The following GFRA2 variants were observed in gnomAD, a reference collection of about 807,000 sequenced individuals.
The protein encoded by GFRA2 is GDNF family receptor alpha-2.
A neutral mutation model predicts 48.3 loss-of-function variants in GFRA2; 17 were observed. The observed-to-expected ratio is 0.35, with a 90% CI of 0.24 to 0.53. The LOEUF (loss-of-function observed/expected upper bound fraction) is 0.53. Ranked by LOEUF, GFRA2 falls within the 20% of genes least tolerant of loss-of-function variation. The pLI, the probability that GFRA2 is intolerant of heterozygous loss-of-function variation, is 0.93. For synonymous variants in GFRA2, 305 were observed against 257.2 expected, an observed-to-expected ratio of 1.19 and a Z score of -1.78; for missense variants, 660 against 637.3, an observed-to-expected ratio of 1.04 and a Z score of -0.38.
At chr8:21,777,044 C>T (rs1363377625) in intron 2 of GFRA2, among the ~76,000 whole-genome samples, 1 of 152,204 alleles carries the variant, frequency 6.6e-6, no homozygotes, top group Non-Finnish European at 1.5e-5. Context: ...CTCATTTCAT[C>T]CTCTTAACTA....
intron 4 of GFRA2, among the ~76,000 whole-genome samples, chr8:21,708,500 A>G (rs897620309): frequency 2.7e-4 from 41 of 152,204 alleles, no homozygotes; most frequent in African/African-American, 9.6e-4. Flanking sequence ...GTTGAGTTCA[A>G]TTATACGTCC....
intron 3 of GFRA2, among the ~76,000 whole-genome samples, chr8:21,773,755 T>A (rs7463382): frequency 7.2e-5 from 11 of 152,024 alleles, no homozygotes; most frequent in African/African-American, 2.7e-4. Context: ...AGGGCTTAGG[T>A]TCTCACTGGA....
At chr8:21,773,299 T>A (rs1806524912) in intron 3 of GFRA2, among the ~76,000 whole-genome samples, 1 of 152,196 alleles carries the variant, frequency 6.6e-6, no homozygotes. Flanking sequence ...GTTATGATGC[T>A]GACAGCCCAG....
chr8:21,799,342 T>C (rs1395811255), intron 2 of GFRA2, among the ~76,000 whole-genome samples: 1 of 151,866 alleles, frequency 6.6e-6, no homozygotes. Flanking sequence ...CTCAGCCTCC[T>C]GAGTAGCTGG....
chr8:21,769,348 C>T (rs1806335189), intron 3 of GFRA2: 1 of 158,198 alleles, frequency 6.3e-6, no homozygotes, highest in Non-Finnish European at 1.3e-5. Flanking sequence ...TAAGATGTCA[C>T]ACACATGTGA....
At chr8:21,710,297 A>C (rs1164679063) in intron 4 of GFRA2, among the ~76,000 whole-genome samples, 5 of 152,196 alleles carry the variant, frequency 3.3e-5, no homozygotes, top group African/African-American at 1.2e-4. Context: ...CGCCCGATGG[A>C]GACAGGAGGC....
intron 3 of GFRA2, among the ~76,000 whole-genome samples, chr8:21,764,085 C>A (rs1302900629): frequency 1.3e-5 from 2 of 152,108 alleles, no homozygotes; most frequent in Admixed American, 6.5e-5. Context: ...TCACCTTCCC[C>A]TGTTTAAGCT....
At chr8:21,773,822 C>A (rs1806555120) in intron 3 of GFRA2, among the ~76,000 whole-genome samples, 1 of 152,198 alleles carries the variant, frequency 6.6e-6, no homozygotes, top group Admixed American at 6.5e-5. Context: ...GACTGTGCCC[C>A]CCAGGGGACA....
chr8:21,750,060 T>C lies in GFRA2; in HGVS notation c.794+528A>G, dbSNP rs1805206725. ...TCTATATAATATATGTAAGTATATA[T>C]ATGTGTATATATGTGTGTGTGTGTG... On this transcript the variant is annotated intron_variant, in intron 4 of 8. Transcript: ENST00000524240. The surrounding 1 kb of genome is among the most constrained non-coding windows in gnomAD (Gnocchi z 5.7). Among the ~76,000 whole-genome samples the C allele has an allele frequency of 6.7e-6, 1 of 149,510 alleles. No individual in the cohort carries two copies. The highest frequency in any genetic ancestry group is 2.5e-5 in the African/African-American group (1 of 39,408).
intron 2 of GFRA2, among the ~76,000 whole-genome samples, chr8:21,801,738 T>A (rs2117114471): frequency 6.6e-6 from 1 of 152,166 alleles, no homozygotes; most frequent in East Asian, 1.9e-4. Flanking sequence ...GACAACTCAC[T>A]AAAACAAATC....
intron 4 of GFRA2, among the ~76,000 whole-genome samples, chr8:21,747,703 T>C (rs1487575100): frequency 6.6e-6 from 1 of 151,222 alleles, no homozygotes; most frequent in Non-Finnish European, 1.5e-5. Flanking sequence ...TTGTACCCAA[T>C]GCCTCTACTT....
chr8:21,749,019 C>T (rs1805144350), intron 4 of GFRA2, among the ~76,000 whole-genome samples: 1 of 152,210 alleles, frequency 6.6e-6, no homozygotes, highest in Non-Finnish European at 1.5e-5. Context: ...ATGCCCCTCT[C>T]CTGTGCTCTC....
chr8:21,775,926 G>A (rs1319562201), intron 2 of GFRA2, among the ~76,000 whole-genome samples: 1 of 152,090 alleles, frequency 6.6e-6, no homozygotes, highest in East Asian at 1.9e-4. Context: ...GCCTCAGCGG[G>A]AAAGGAAATA....
At chr8:21,751,769 A>T (rs953363102) in intron 3 of GFRA2, among the ~76,000 whole-genome samples, 1 of 152,184 alleles carries the variant, frequency 6.6e-6, no homozygotes, top group African/African-American at 2.4e-5. Context: ...TACAGCACAC[A>T]GTTCCTGGTG....
rs1412696996 is a variant in GFRA2 at position 21,750,288 on chromosome 8, C to A, written c.794+300G>T. 1.3e-5 allele frequency among the ~76,000 whole-genome samples: 2 copies of A among 152,122 alleles called. No homozygotes were observed. Among genetic ancestry groups the A allele is most frequent in the African/African-American group, 2.4e-5 (1 of 41,424 alleles). ...GGAGTCTGTGGTTTTAAATTATAAGCTCCTTGGGTTGTTCATTTTGGTTTC... is the reference window on the plus strand; with the variant it reads ...GGAGTCTGTGGTTTTAAATTATAAGATCCTTGGGTTGTTCATTTTGGTTTC... On this transcript the variant is annotated intron_variant, in intron 4 of 8. Coordinates refer to ENST00000524240, the MANE Select transcript of GFRA2 (RefSeq NM_001495.5). This position sits in a 1 kb window ranked among gnomAD's most constrained non-coding sequence, Gnocchi z 5.7.
chr8:21,806,629 T>A (rs1807873237), intron 1 of GFRA2, among the ~76,000 whole-genome samples: 1 of 152,208 alleles, frequency 6.6e-6, no homozygotes, highest in Non-Finnish European at 1.5e-5. Context: ...CATACCTAGC[T>A]AAATTTCCTT....
chr8:21,694,516 T>C lies in GFRA2; in HGVS notation c.1220A>G (p.Glu407Gly). 1.2e-6 allele frequency: 2 copies of C among 1,610,296 alleles called. No individual in the cohort carries two copies. The highest frequency in any genetic ancestry group is 2.2e-5 in the South Asian group (2 of 90,026). Residue 407 changes from glutamate (E) to glycine (G), a missense_variant and splice_region_variant, in exon 8 of 9, where the codon GAG becomes GGG. By Grantham distance (98) the Glu-to-Gly change is moderately conservative. Transcript: ENST00000524240. ...GGAGTTGTTGGCCTTCAGCCCCTGC[T>C]CCTGCGAGAGAGAAGGTGCCAGTCA... The part of the protein sequence containing the change: ...SVITTCTSVQ[E>G]QGLKANNSKE...
chr8:21,696,107 CCCT>C (rs1389079259), intron 7 of GFRA2, among the ~76,000 whole-genome samples: 6 of 109,034 alleles, frequency 5.5e-5, no homozygotes, highest in African/African-American at 1.8e-4. Flanking sequence ...CTCCTCTGTC[CCCT>C]CCTCCTTTCC....
At chr8:21,698,255 A>C (rs1802306848) in intron 7 of GFRA2, among the ~76,000 whole-genome samples, 1 of 152,176 alleles carries the variant, frequency 6.6e-6, no homozygotes. Context: ...CTGACCCCTG[A>C]GGGCTGTGCT....
Sources: gnomAD v4.1 joint callset for allele counts (sites outside exome capture counted in the v4.1 genomes callset) on GRCh38, gnomAD v4.1.1 for gene constraint, Gnocchi (gnomAD v3.1) non-coding constraint, MANE v1.5 for transcripts, NCBI Gene and HGNC (gene_info 2026-07-23, HGNC 2026-07-21) for gene names.